The following ERBB4 variants were observed in gnomAD, a reference collection of about 807,000 sequenced individuals.
ERBB4 encodes the protein erb-b2 receptor tyrosine kinase 4.
Under a neutral mutation model 158.0 loss-of-function variants are expected in ERBB4, and 42 were observed. The ratio of observed to expected loss-of-function variants is 0.27; its 90% CI spans 0.21 to 0.34. The LOEUF (loss-of-function observed/expected upper bound fraction) is 0.34. Among genes scored for constraint, ERBB4 ranks in the 10% least tolerant of loss-of-function variants. The probability of loss-of-function intolerance (pLI) is 1.00; values close to 1 mark genes in which losing one functional copy is unlikely to be tolerated. For synonymous variants in ERBB4, 583 were observed against 558.7 expected (o/e 1.04, Z -0.61); for missense variants, 1,333 against 1,624.1 (o/e 0.82, Z 3.08).
At chr2:212,441,811 A>G (rs1444382104) in intron 1 of ERBB4, among the ~76,000 whole-genome samples, 1 of 152,214 alleles carries the variant, frequency 6.6e-6, no homozygotes, top group Non-Finnish European at 1.5e-5. Flanking sequence ...AGAGAAAAGG[A>G]TCCAAAGGCT....
intron 14 of ERBB4, among the ~76,000 whole-genome samples, chr2:211,670,996 AT>A (rs575765076): frequency 3.3e-5 from 5 of 151,960 alleles, no homozygotes; most frequent in African/African-American, 1.2e-4. Flanking sequence ...CAGACATGGG[AT>A]TTTTTTTATG....
chr2:212,461,766 A>G (rs1245086115), intron 1 of ERBB4, among the ~76,000 whole-genome samples: 1 of 152,116 alleles, frequency 6.6e-6, no homozygotes, highest in Non-Finnish European at 1.5e-5. Context: ...TTGAATTCCC[A>G]CATGTTGTGG....
At chr2:211,542,064 T>G (rs6747637) in intron 20 of ERBB4, among the ~76,000 whole-genome samples, 73,687 of 151,742 alleles carry the variant, frequency 0.49, 18,246 homozygotes, top group East Asian at 0.72. Context: ...GGGCTTCTTT[T>G]TGGAATATCA....
intron 1 of ERBB4, among the ~76,000 whole-genome samples, chr2:212,266,502 G>C (rs1050689121): frequency 1.3e-5 from 2 of 151,834 alleles, no homozygotes; most frequent in African/African-American, 4.8e-5. Context: ...TTTTTTAAAG[G>C]AGAATCTCAA....
At chr2:211,966,519 C>T (rs763989589) in intron 2 of ERBB4, among the ~76,000 whole-genome samples, 1 of 152,064 alleles carries the variant, frequency 6.6e-6, no homozygotes, top group Non-Finnish European at 1.5e-5. Flanking sequence ...GGATTACAAG[C>T]GTGAGCCACT....
intron 1 of ERBB4, among the ~76,000 whole-genome samples, chr2:212,138,239 G>A (rs73987247): frequency 0.029 from 4,345 of 152,100 alleles, 144 homozygotes; most frequent in African/African-American, 0.079. Flanking sequence ...CCACACATAC[G>A]AAATATACAT....
chr2:212,309,268 T>C (rs777034868), intron 1 of ERBB4, among the ~76,000 whole-genome samples: 10 of 150,976 alleles, frequency 6.6e-5, no homozygotes, highest in Non-Finnish European at 7.4e-5. Context: ...TCTGTTTTGA[T>C]TTTCCACTCA....
chr2:212,090,403 C>A (rs959669831), intron 2 of ERBB4, among the ~76,000 whole-genome samples: 2 of 152,152 alleles, frequency 1.3e-5, no homozygotes, highest in South Asian at 2.1e-4. Flanking sequence ...ACTTTCATGG[C>A]TCTATTTCTC....
chr2:211,453,699 A>T (rs1384005890), intron 20 of ERBB4, among the ~76,000 whole-genome samples: 1 of 152,232 alleles, frequency 6.6e-6, no homozygotes, highest in Non-Finnish European at 1.5e-5. Flanking sequence ...TGTAGCAGAC[A>T]GGCAGACGTG....
At chr2:211,778,360 T>C (rs1169463043) in intron 4 of ERBB4, 1 of 152,200 alleles carries the variant, frequency 6.6e-6, no homozygotes, top group Non-Finnish European at 1.5e-5. Flanking sequence ...AGGCACTACC[T>C]TAAGCCTCCT....
intron 1 of ERBB4, among the ~76,000 whole-genome samples, chr2:212,208,054 CA>C (rs2082820874): frequency 6.6e-6 from 1 of 152,066 alleles, no homozygotes; most frequent in African/African-American, 2.4e-5. Context: ...AGCTACTGAA[CA>C]AAGACTTTAA....
At chr2:211,862,755 T>C (rs1272698060) in intron 3 of ERBB4, among the ~76,000 whole-genome samples, 1 of 152,218 alleles carries the variant, frequency 6.6e-6, no homozygotes, top group East Asian at 1.9e-4. Context: ...TGGTTCTATC[T>C]AAAAATAAAG....
chr2:212,157,849 T>C (rs1009098346), intron 1 of ERBB4, among the ~76,000 whole-genome samples: 3 of 152,050 alleles, frequency 2.0e-5, no homozygotes, highest in African/African-American at 7.2e-5. Context: ...TTTGGACTAG[T>C]AGGCACTTAG....
At chr2:211,540,115 G>T (rs1326537126) in intron 20 of ERBB4, among the ~76,000 whole-genome samples, 1 of 151,030 alleles carries the variant, frequency 6.6e-6, no homozygotes, top group African/African-American at 2.4e-5. Context: ...AGGCCATTTT[G>T]CTCATTATCT....
intron 1 of ERBB4, among the ~76,000 whole-genome samples, chr2:212,505,784 T>C (rs1288617237): frequency 3.4e-5 from 5 of 149,000 alleles, no homozygotes; most frequent in Non-Finnish European, 7.6e-5. Context: ...TGCTGCAACA[T>C]GAGTAATAAA....
At chr2:212,180,686 C>A (rs1366190903) in intron 1 of ERBB4, among the ~76,000 whole-genome samples, 1 of 151,704 alleles carries the variant, frequency 6.6e-6, no homozygotes, top group Non-Finnish European at 1.5e-5. Context: ...ACCAATTTCT[C>A]AACTCAGTAT....
chr2:212,186,075 C>T (rs1345574470), intron 1 of ERBB4, among the ~76,000 whole-genome samples: 1 of 152,128 alleles, frequency 6.6e-6, no homozygotes, highest in African/African-American at 2.4e-5. Flanking sequence ...TGTCACCTAA[C>T]AAAACCCAAG....
rs181706723 is a variant in ERBB4 at position 211,441,285 on chromosome 2, G to C, written c.2488-10185C>G. ...CATTTTCTAGCCTAATATTACCATA[G>C]AAGTACCAGATATCATCACATTACT... On this transcript the variant is annotated intron_variant, in intron 20 of 27. Transcript: ENST00000342788. Among the ~76,000 whole-genome samples, 17 of 152,210 alleles carry C rather than the reference G, an allele frequency of 1.1e-4. No homozygotes were observed. In the East Asian group the frequency reaches 3.3e-3, roughly 29 times the overall value.
At chr2:212,233,662 T>A (rs1254987982) in intron 1 of ERBB4, among the ~76,000 whole-genome samples, 1 of 152,144 alleles carries the variant, frequency 6.6e-6, no homozygotes, top group Non-Finnish European at 1.5e-5. Flanking sequence ...TGTTAGAAAG[T>A]AATTCACATA....
Sources: gnomAD v4.1 joint callset for allele counts (sites outside exome capture counted in the v4.1 genomes callset) on GRCh38, gnomAD v4.1.1 for gene constraint, MANE v1.5 for transcripts, NCBI Gene and HGNC (gene_info 2026-07-23, HGNC 2026-07-21) for gene names.